Variants in SLC6A19 observed in about 807,000 individuals in gnomAD.
SLC6A19 encodes the protein sodium-dependent neutral amino acid transporter B(0)AT1.
SLC6A19 carries 67 observed loss-of-function variants against 68.3 expected under a neutral mutation model. The ratio of observed to expected loss-of-function variants is 0.98; its 90% CI spans 0.81 to 1.20. The LOEUF (loss-of-function observed/expected upper bound fraction) is 1.20, where lower values mean the gene tolerates loss of function less well. SLC6A19 is among the 50% of genes most tolerant of loss of function. SLC6A19 has a pLI of 0.00. For missense variants in SLC6A19, 813 were observed against 851.6 expected, an observed-to-expected ratio of 0.95 and a Z score of 0.56; for synonymous variants, 392 against 374.9, an observed-to-expected ratio of 1.05 and a Z score of -0.53.
intron 2 of SLC6A19, 82 bp downstream of exon 2, chr5:1,208,968 T>G (rs1255933654): frequency 6.6e-7 from 1 of 1,518,248 alleles, no homozygotes; most frequent in Non-Finnish European, 8.8e-7. Context: ...AGGGTTCGCC[T>G]TGCCGGCCTC....
Position 1,201,863 on chromosome 5 carries a change from CGGGCGG to C in SLC6A19, c.202+14_202+19del. On this transcript the variant is annotated intron_variant, in intron 1 of 11. Coordinates refer to ENST00000304460, the MANE Select transcript of SLC6A19 (RefSeq NM_001003841.3). ...AGAGCCACGGAGGAGGTAGGCTGGC[CGGGCGG>C]GGCTGCGGGCGAGGCCGTGGCCAGG... 6.2e-7 allele frequency: 1 copy of C among 1,606,734 alleles called. No homozygotes were observed. Among genetic ancestry groups the C allele is most frequent in the Non-Finnish European group, 8.5e-7 (1 of 1,178,836 alleles).
At position 1,214,193 on chromosome 5, in the gene SLC6A19, G is replaced by A. The variant is rs571208103; in HGVS notation, c.887+128G>A. ...GGGGCCTTGCTGCCCCGATGGGCCC[G>A]TTCCCTCCTGCTCGGGGTCCATGTG... On this transcript the variant is annotated intron_variant, in intron 6 of 11. Coordinates refer to ENST00000304460, the MANE Select transcript of SLC6A19 (RefSeq NM_001003841.3). This position sits in a 1 kb window ranked among gnomAD's most constrained non-coding sequence, Gnocchi z 7.4. 6.0e-5 allele frequency: 90 copies of A among 1,509,178 alleles called. No homozygotes were observed. Among genetic ancestry groups the A allele is most frequent in the Non-Finnish European group, 7.6e-5 (85 of 1,123,336 alleles). The allele number at this position is 1,509,178 out of a possible 1,614,324, so 93.5% of individuals were successfully genotyped here. A position where few individuals can be genotyped will look rare whatever the true frequency, so the allele number is the denominator to read the frequency against.
intron 1 of SLC6A19, among the ~76,000 whole-genome samples, chr5:1,202,869 G>C (rs577529524): frequency 3.5e-4 from 54 of 152,294 alleles, no homozygotes; most frequent in African/African-American, 1.3e-3. Flanking sequence ...TCAAGGAGTT[G>C]ATCACTGCCT....
At chr5:1,208,651 G>A (rs182297880) in intron 1 of SLC6A19, 95 bp from the exon 2 acceptor site, 2 of 1,567,404 alleles carry the variant, frequency 1.3e-6, no homozygotes, top group African/African-American at 2.7e-5. Context: ...CGGCCATAGG[G>A]GCTGCAAGGT....
In SLC6A19 at chr5:1,204,531, C is replaced by T. The variant is rs887580830; in HGVS notation, c.202+2679C>T. On this transcript the variant is annotated intron_variant, in intron 1 of 11. Transcript: ENST00000304460. The stretch of plus-strand genomic sequence containing the variant: ...CCCACCTGGGAGCACCACATCCCCA[C>T]GGCAGGGCCCCGCAGTGCCGGTGGC... Among the ~76,000 whole-genome samples the T allele has an allele frequency of 3.9e-5, 6 of 152,334 alleles. No homozygotes were observed. The South Asian group carries it at 6.2e-4, about 16-fold the overall frequency.
In SLC6A19 at chr5:1,209,858, T is replaced by C. The variant is rs1745973520; in HGVS notation, c.344-586T>C. Among the ~76,000 whole-genome samples the C allele has an allele frequency of 6.6e-6, 1 of 152,246 alleles. No individual in the cohort carries two copies. The highest frequency in any genetic ancestry group is 2.4e-5 in the African/African-American group (1 of 41,458). Reference sequence around the variant, plus strand: ...ACACATTTGGTTTTGAGTTTGAAACTTCAGTAAAGCATGTACTACATAGCA... The same window carrying C: ...ACACATTTGGTTTTGAGTTTGAAACCTCAGTAAAGCATGTACTACATAGCA... On this transcript the variant is annotated intron_variant, in intron 2 of 11. Transcript: ENST00000304460. The surrounding 1 kb of genome is among the most constrained non-coding windows in gnomAD (Gnocchi z 5.5).
chr5:1,212,951 A>G lies in SLC6A19; in HGVS notation c.663+467A>G, dbSNP rs1441855366. ...CCCTGTCCCCGTTCCCACTCGTCCC[A>G]CATGCCCCCCACCACAAGCACGGCC... On this transcript the variant is annotated intron_variant, in intron 4 of 11. Coordinates refer to ENST00000304460, the MANE Select transcript of SLC6A19 (RefSeq NM_001003841.3). This position sits in a 1 kb window ranked among gnomAD's most constrained non-coding sequence, Gnocchi z 5.1. Among the ~76,000 whole-genome samples, 5 of 146,296 alleles carry G rather than the reference A, an allele frequency of 3.4e-5. No individual in the cohort carries two copies. The highest frequency in any genetic ancestry group is 1.0e-4 in the African/African-American group (4 of 38,970).
chr5:1,203,947 G>T (rs1189981686), intron 1 of SLC6A19, among the ~76,000 whole-genome samples: 1 of 152,188 alleles, frequency 6.6e-6, no homozygotes, highest in Non-Finnish European at 1.5e-5. Context: ...GCGACACAGG[G>T]TCCCCTCCTA....
chr5:1,222,204 C>T lies in SLC6A19; in HGVS notation c.*300C>T, dbSNP rs188314121. The T allele has an allele frequency of 1.7e-6, 1 of 588,754 alleles. No homozygotes were observed. Among genetic ancestry groups the T allele is most frequent in the Non-Finnish European group, 3.0e-6 (1 of 330,872 alleles). The allele number at this position is 588,754 out of a possible 1,614,324, so 36.5% of individuals were successfully genotyped here. ...GTGTCATGTTGTGTGTGTGCATGTA[C>T]ATGTATGGACATTGTGTGAGTGTGC... On this transcript the variant is annotated 3_prime_UTR_variant, in exon 12 of 12. Transcript: ENST00000304460.
At position 1,218,973 on chromosome 5, in the gene SLC6A19, T is replaced by C. The variant is rs370393309; in HGVS notation, c.1244T>C (p.Leu415Pro). 173 of 1,613,982 alleles carry C rather than the reference T, an allele frequency of 1.1e-4. No homozygotes were observed. The highest frequency in any genetic ancestry group is 1.4e-4 in the Non-Finnish European group (170 of 1,180,036). Residue 415 changes from leucine (L) to proline (P), a missense_variant, in exon 9 of 12, where the codon CTG becomes CCG. Coordinates refer to ENST00000304460, the MANE Select transcript of SLC6A19 (RefSeq NM_001003841.3). ...ATCACCAAGATGCCGTTGTCCCCAC[T>C]GTGGTCTGTGCTCTTCTTCATTATG... ...EAITKMPLSP[L>P]WSVLFFIMLF...
chr5:1,216,061 G>C (rs1020194000), intron 6 of SLC6A19, among the ~76,000 whole-genome samples: 10 of 152,206 alleles, frequency 6.6e-5, no homozygotes, highest in African/African-American at 2.4e-4. Context: ...AGCTGGCTGG[G>C]TTGGGTCAGG....
rs369119506 is a variant in SLC6A19, at chr5:1,213,579, T to A, written c.774+6T>A. On this transcript the variant is annotated splice_donor_region_variant and intron_variant, in intron 5 of 11. Transcript: ENST00000304460. The stretch of plus-strand genomic sequence containing the variant: ...TCTTCCTCTTCACGCCCAACGTAAG[T>A]CCCCGAGGCTGCCCTGGGCCCAGAC... The A allele has an allele frequency of 2.4e-4, 382 of 1,610,098 alleles. 1 individual carries two copies. Among genetic ancestry groups the A allele is most frequent in the Non-Finnish European group, 3.1e-4 (367 of 1,178,552 alleles).
In SLC6A19 at chr5:1,215,196, T is replaced by C. The variant is rs192377749; in HGVS notation, c.887+1131T>C. On this transcript the variant is annotated intron_variant, in intron 6 of 11. Coordinates refer to ENST00000304460, the MANE Select transcript of SLC6A19 (RefSeq NM_001003841.3). The surrounding 1 kb of genome is among the most constrained non-coding windows in gnomAD (Gnocchi z 5.1). ...AGGCAGGATTGAGGACTCTGACTTTTTCGTGGAGTGGCTGAGGTGGAACTG... is the reference window on the plus strand; with the variant it reads ...AGGCAGGATTGAGGACTCTGACTTTCTCGTGGAGTGGCTGAGGTGGAACTG... Among the ~76,000 whole-genome samples the C allele has an allele frequency of 5.1e-4, 78 of 152,246 alleles. No homozygotes were observed. The highest frequency in any genetic ancestry group is 1.8e-3 in the African/African-American group (76 of 41,520).
At chr5:1,221,550 G>A in intron 11 of SLC6A19, 151 bp from the exon 12 acceptor site, 1 of 1,103,496 alleles carries the variant, frequency 9.1e-7, no homozygotes. Flanking sequence ...GGAGTTGGGA[G>A]GTAGGGGAAA....
rs749718203 is a variant in SLC6A19, at chr5:1,208,731, C to T, written c.203-15C>T. On this transcript the variant is annotated splice_polypyrimidine_tract_variant and intron_variant, in intron 1 of 11. Transcript: ENST00000304460. ...GGGAACGGCTCTCAGGCATGGTGGACTCCTCCCATTGCAGGAGCCTTCATG... is the reference window on the plus strand; with the variant it reads ...GGGAACGGCTCTCAGGCATGGTGGATTCCTCCCATTGCAGGAGCCTTCATG... 5.6e-6 allele frequency: 9 copies of T among 1,613,248 alleles called. No individual in the cohort carries two copies. Among genetic ancestry groups the T allele is most frequent in the Non-Finnish European group, 7.6e-6 (9 of 1,179,998 alleles).
At chr5:1,207,044 C>T (rs957563889) in intron 1 of SLC6A19, among the ~76,000 whole-genome samples, 18 of 152,226 alleles carry the variant, frequency 1.2e-4, no homozygotes, top group African/African-American at 3.6e-4. Context: ...GAGCTGCTTC[C>T]GCGTCCCCAT....
intron 8 of SLC6A19, among the ~76,000 whole-genome samples, chr5:1,218,098 C>T (rs1449041908): frequency 3.3e-5 from 5 of 152,112 alleles, no homozygotes; most frequent in Admixed American, 2.0e-4. Flanking sequence ...CTTGTATGCA[C>T]GTGCTGCTGC....
rs1274237054 is a variant in SLC6A19, at chr5:1,209,068, T to C, written c.343+182T>C. ...GAGGCCTTTGGAAACTCCAGGCCAC[T>C]CCTGTTCACCAGGAACCAGACAGGC... On this transcript the variant is annotated intron_variant, in intron 2 of 11. Transcript: ENST00000304460. The surrounding 1 kb of genome is among the most constrained non-coding windows in gnomAD (Gnocchi z 5.5). 6.6e-6 allele frequency among the ~76,000 whole-genome samples: 1 copy of C among 152,142 alleles called. No homozygotes were observed. Among genetic ancestry groups the C allele is most frequent in the Non-Finnish European group, 1.5e-5 (1 of 68,026 alleles).
chr5:1,212,433 A>T lies in SLC6A19; in HGVS notation c.612A>T (p.Ala204=), dbSNP rs1325813979. The part of the protein sequence containing the change: ...QWWMLLCLAC[A]WSVLYMCTIR... Reference sequence around the variant, plus strand: ...GGATGCTGCTGTGCCTGGCCTGCGCATGGAGCGTCCTGTACATGTGCACCA... The same window carrying T: ...GGATGCTGCTGTGCCTGGCCTGCGCTTGGAGCGTCCTGTACATGTGCACCA... The change falls in exon 4 of 12, where the codon GCA becomes GCT. Residue 204 remains alanine, a synonymous_variant. Coordinates refer to ENST00000304460, the MANE Select transcript of SLC6A19 (RefSeq NM_001003841.3). This position sits in a 1 kb window ranked among gnomAD's most constrained non-coding sequence, Gnocchi z 5.1. 6.2e-7 allele frequency: 1 copy of T among 1,611,744 alleles called. No individual in the cohort carries two copies. The highest frequency in any genetic ancestry group is 1.7e-4 in the Middle Eastern group (1 of 6,060).
Sources: gnomAD v4.1 joint callset for allele counts (sites outside exome capture counted in the v4.1 genomes callset) on GRCh38, gnomAD v4.1.1 for gene constraint, Gnocchi (gnomAD v3.1) non-coding constraint, MANE v1.5 for transcripts, NCBI Gene and HGNC (gene_info 2026-07-23, HGNC 2026-07-21) for gene names.